STK17B: variants seen among roughly 807,000 people sequenced by gnomAD.
STK17B encodes the protein serine/threonine kinase 17b.
Under a neutral mutation model 42.0 loss-of-function variants are expected in STK17B, and 21 were observed. The ratio of observed to expected loss-of-function variants is 0.50; its 90% CI spans 0.35 to 0.72. STK17B has a LOEUF of 0.72. Among genes scored for constraint, STK17B ranks in the 30% least tolerant of loss-of-function variants. STK17B has a pLI of 0.00. For synonymous variants in STK17B, 143 were observed against 148.4 expected, an observed-to-expected ratio of 0.96 and a Z score of 0.26; for missense variants, 349 against 446.0, an observed-to-expected ratio of 0.78 and a Z score of 1.96.
chr2:196,156,576 C>CT lies in STK17B; in HGVS notation c.197dup (p.Arg67GlufsTer19). 1 of 1,613,984 alleles carries CT rather than the reference C, an allele frequency of 6.2e-7. No homozygotes were observed. Among genetic ancestry groups the CT allele is most frequent in the Non-Finnish European group, 8.5e-7 (1 of 1,179,976 alleles). The stretch of plus-strand genomic sequence containing the variant: ...CTCGACAATCCTGTCCTCTTCTTCT[C>CT]TTTTTTAGAAATTTTGCAGCATATT... On this transcript the variant is annotated frameshift_variant, in exon 3 of 8. Coordinates refer to ENST00000263955, the MANE Select transcript of STK17B (RefSeq NM_004226.4). LOFTEE classifies it high-confidence loss of function.
At chr2:196,150,070 C>G (rs1699642263) in intron 3 of STK17B, among the ~76,000 whole-genome samples, 1 of 149,964 alleles carries the variant, frequency 6.7e-6, no homozygotes, top group African/African-American at 2.5e-5. Flanking sequence ...ATAACACAAG[C>G]AGCAAATTGC....
intron 6 of STK17B, among the ~76,000 whole-genome samples, chr2:196,141,048 T>C (rs1699487727): frequency 6.6e-6 from 1 of 152,260 alleles, no homozygotes; most frequent in African/African-American, 2.4e-5. Context: ...TTCCTATTAA[T>C]TTCTGTACTT....
chr2:196,169,317 G>A (rs987727102), intron 1 of STK17B, among the ~76,000 whole-genome samples: 2 of 151,898 alleles, frequency 1.3e-5, no homozygotes, highest in Admixed American at 6.6e-5. Context: ...CGCCCGCCTC[G>A]GCCTCCCAAA....
chr2:196,164,036 C>CTTAATAAATAAA (rs368762428), intron 1 of STK17B, among the ~76,000 whole-genome samples: 24 of 101,418 alleles, frequency 2.4e-4, no homozygotes, highest in South Asian at 1.1e-3. Context: ...GAGATCTTAT[C>CTTAATAAATAAA]TCAATAAATA....
At position 196,136,101 on chromosome 2, in the gene STK17B, GGTT is replaced by G. The variant is rs1699400182; in HGVS notation, c.*1343_*1345del. On this transcript the variant is annotated 3_prime_UTR_variant, in exon 8 of 8. Coordinates refer to ENST00000263955, the MANE Select transcript of STK17B (RefSeq NM_004226.4). ...TTAAAGGTCTAAAGGGGGAACATCA[GGTT>G]GTTGTTACCATTTGTCAAACTATTT... The G allele has an allele frequency of 6.6e-6, 1 of 152,312 alleles. No individual in the cohort carries two copies. The highest frequency in any genetic ancestry group is 1.5e-5 in the Non-Finnish European group (1 of 68,024). 9.4% of individuals were successfully genotyped at this position (152,312 alleles called of 1,614,324 possible). A position where few individuals can be genotyped will look rare whatever the true frequency, so the allele number is the denominator to read the frequency against.
intron 7 of STK17B, among the ~76,000 whole-genome samples, chr2:196,139,253 C>T (rs534780726): frequency 1.3e-5 from 2 of 152,268 alleles, no homozygotes; most frequent in African/African-American, 2.4e-5. Flanking sequence ...CGTGAGCCAC[C>T]GCGCCCGGCC....
Position 196,139,819 on chromosome 2 carries a change from A to G in STK17B, c.657-20T>C. The stretch of plus-strand genomic sequence containing the variant: ...ATATTCCTGAAAAACAAGGGAGGGG[A>G]ACTTAAAATGTATGTTAATTTTTAA... On this transcript the variant is annotated intron_variant, in intron 6 of 7. Coordinates refer to ENST00000263955, the MANE Select transcript of STK17B (RefSeq NM_004226.4). The G allele has an allele frequency of 3.0e-6, 4 of 1,334,856 alleles. No individual in the cohort carries two copies. Among genetic ancestry groups the G allele is most frequent in the Non-Finnish European group, 3.9e-6 (4 of 1,031,738 alleles). The allele number at this position is 1,334,856 out of a possible 1,614,324, so 82.7% of individuals were successfully genotyped here.
intron 1 of STK17B, among the ~76,000 whole-genome samples, chr2:196,164,356 G>A (rs1416775036): frequency 1.3e-5 from 2 of 152,132 alleles, no homozygotes; most frequent in Non-Finnish European, 1.5e-5. Flanking sequence ...TTGGAAGAGT[G>A]ACTAACCTAT....
upstream of STK17B, among the ~76,000 whole-genome samples, chr2:196,171,868 T>A (rs1052585919): frequency 7.9e-5 from 12 of 151,882 alleles, no homozygotes; most frequent in South Asian, 2.1e-3. Flanking sequence ...CGCGCGGGGC[T>A]GGAACTACTG....
intron 4 of STK17B, among the ~76,000 whole-genome samples, chr2:196,144,701 AT>A (rs1236284449): frequency 6.6e-6 from 1 of 151,958 alleles, no homozygotes; most frequent in African/African-American, 2.4e-5. Flanking sequence ...CACCTCATCC[AT>A]TGCCTCCTAA....
At chr2:196,175,834 C>T (rs1344078834), upstream of STK17B, among the ~76,000 whole-genome samples, 1 of 152,112 alleles carries the variant, frequency 6.6e-6, no homozygotes, top group Non-Finnish European at 1.5e-5. Flanking sequence ...GTGCTAGAGA[C>T]AATCAGAGCA....
Position 196,135,338 on chromosome 2 carries a change from A to G in STK17B, c.*2109T>C, listed in dbSNP as rs944937884. The G allele has an allele frequency of 3.3e-5, 5 of 152,230 alleles. No individual in the cohort carries two copies. Among genetic ancestry groups the G allele is most frequent in the African/African-American group, 1.2e-4 (5 of 41,468 alleles). 9.4% of individuals were successfully genotyped at this position (152,230 alleles called of 1,614,324 possible). ...ATCAACAATTTAGAAACAACTCATC[A>G]GTTTTAGATATACAAGGGCTCAATT... On this transcript the variant is annotated 3_prime_UTR_variant, in exon 8 of 8. Transcript: ENST00000263955.
intron 3 of STK17B, among the ~76,000 whole-genome samples, chr2:196,152,863 G>C (rs1008689894): frequency 6.6e-6 from 1 of 152,178 alleles, no homozygotes; most frequent in Admixed American, 6.5e-5. Context: ...AGAGCAGAAG[G>C]AATAGGAATG....
intron 7 of STK17B, 117 bp from the exon 8 acceptor site, chr2:196,137,846 G>A: frequency 8.7e-7 from 1 of 1,149,048 alleles, no homozygotes; most frequent in Non-Finnish European, 1.2e-6. Context: ...CATACTCATA[G>A]TATAAAATCC....
intron 3 of STK17B, chr2:196,156,217 T>C (rs575785261): frequency 8.8e-5 from 34 of 387,562 alleles, no homozygotes; most frequent in African/African-American, 6.8e-4. Flanking sequence ...TCCTCAAATG[T>C]TGTATTTGTC....
At chr2:196,153,790 A>G (rs1211671565) in intron 3 of STK17B, 1 of 152,220 alleles carries the variant, frequency 6.6e-6, no homozygotes, top group Non-Finnish European at 1.5e-5. Flanking sequence ...TTTGAGCATG[A>G]AAAAAAGACA....
intron 2 of STK17B, among the ~76,000 whole-genome samples, chr2:196,160,326 C>T (rs996407450): frequency 6.6e-6 from 1 of 152,114 alleles, no homozygotes; most frequent in Non-Finnish European, 1.5e-5. Context: ...ACAAGAAGTC[C>T]TATGAAACCT....
At chr2:196,153,254 C>CCAAAAAAAAAA (rs1337840601) in intron 3 of STK17B, 1 of 19,178 alleles carries the variant, frequency 5.2e-5, no homozygotes, top group South Asian at 2.3e-3. Context: ...AAAACAATGT[C>CCAAAAAAAAAA]CAAAAAAAAA....
intron 3 of STK17B, among the ~76,000 whole-genome samples, chr2:196,147,590 A>T (rs13026507): frequency 0.73 from 111,280 of 152,042 alleles, 41,134 homozygotes; most frequent in East Asian, 0.91. Context: ...CCGCAAACAT[A>T]TGGTGCTTTA....
Sources: allele counts gnomAD v4.1 joint callset (sites outside exome capture counted in the v4.1 genomes callset), GRCh38; gene constraint gnomAD v4.1.1; transcripts MANE v1.5; gene names NCBI Gene and HGNC (gene_info 2026-07-23, HGNC 2026-07-21).